Variants in TBC1D10B observed in about 807,000 individuals in gnomAD.
TBC1D10B encodes Rab27A-GAPbeta.
A neutral mutation model predicts 78.4 loss-of-function variants in TBC1D10B; 25 were observed. That is an observed-to-expected ratio of 0.32 (90% confidence interval 0.23 to 0.45). The LOEUF is 0.45. Among genes scored for constraint, TBC1D10B ranks in the 20% least tolerant of loss-of-function variants. The pLI is 1.00. For synonymous variants in TBC1D10B, 517 were observed against 478.0 expected (o/e 1.08, Z -1.06); for missense variants, 996 against 1,104.8 (o/e 0.90, Z 1.40).
chr16:30,360,656 A>G (rs936555447), intron 4 of TBC1D10B, among the ~76,000 whole-genome samples: 1 of 151,978 alleles, frequency 6.6e-6, no homozygotes, highest in Non-Finnish European at 1.5e-5. Flanking sequence ...TTTAGTTGAC[A>G]TTTTTTCTCC....
In TBC1D10B at chr16:30,360,389, T is replaced by A. The variant is rs538564022; in HGVS notation, c.1272-548A>T. ...GGACTTCTATTCACTCAGCCCCACA[T>A]CAGAAAAGAGCCCCTTACTCCAAGC... On this transcript the variant is annotated intron_variant, in intron 4 of 8. Coordinates refer to ENST00000409939, the MANE Select transcript of TBC1D10B (RefSeq NM_015527.4). 44 of 155,720 alleles carry A rather than the reference T, an allele frequency of 2.8e-4. 1 individual carries two copies. Among genetic ancestry groups the A allele is most frequent in the Admixed American group, 1.6e-3 (26 of 15,788 alleles). The allele number at this position is 155,720 out of a possible 1,614,324, so 9.6% of individuals were successfully genotyped here. A position where few individuals can be genotyped will look rare whatever the true frequency, so the allele number is the denominator to read the frequency against.
chr16:30,358,634 C>G, intron 8 of TBC1D10B, 29 bp downstream of exon 8: 1 of 1,589,972 alleles, frequency 6.3e-7, no homozygotes. Context: ...CTGAGGCAGG[C>G]AGGGGCTGCG....
chr16:30,360,995 A>G (rs1305978599), intron 4 of TBC1D10B, among the ~76,000 whole-genome samples: 1 of 152,100 alleles, frequency 6.6e-6, no homozygotes, highest in African/African-American at 2.4e-5. Context: ...AAAAAAAAAA[A>G]GTCTCTTCAC....
At chr16:30,359,939 C>T in intron 4 of TBC1D10B, 98 bp from the exon 5 acceptor site, 1 of 1,068,262 alleles carries the variant, frequency 9.4e-7, no homozygotes, top group Non-Finnish European at 1.4e-6. Context: ...CACCAGGCTC[C>T]TCCATCCACC....
Position 30,365,378 on chromosome 16 carries a change from C to T in TBC1D10B, c.1056+117G>A. On this transcript the variant is annotated intron_variant, in intron 2 of 8. Coordinates refer to ENST00000409939, the MANE Select transcript of TBC1D10B (RefSeq NM_015527.4). The surrounding 1 kb of genome is among the most constrained non-coding windows in gnomAD (Gnocchi z 5.0). ...TTTAAAGCCATTCCCCCGCCAGGGC[C>T]CATCTATCCCCAGTGTGGTCCAGAG... is the stretch of plus-strand genomic sequence containing the variant. 4 of 1,338,656 alleles carry T rather than the reference C, an allele frequency of 3.0e-6. No individual in the cohort carries two copies. Among genetic ancestry groups the T allele is most frequent in the Non-Finnish European group, 4.3e-6 (4 of 935,076 alleles). 82.9% of individuals were successfully genotyped at this position (1,338,656 alleles called of 1,614,324 possible). A position where few individuals can be genotyped will look rare whatever the true frequency, so the allele number is the denominator to read the frequency against.
Position 30,369,973 on chromosome 16 carries a change from C to G in TBC1D10B, c.211G>C (p.Ala71Pro). 1 of 1,275,726 alleles carries G rather than the reference C, an allele frequency of 7.8e-7. No homozygotes were observed. Among genetic ancestry groups the G allele is most frequent in the South Asian group, 2.8e-5 (1 of 35,736 alleles). The allele number at this position is 1,275,726 out of a possible 1,614,324, so 79.0% of individuals were successfully genotyped here. A position where few individuals can be genotyped will look rare whatever the true frequency, so the allele number is the denominator to read the frequency against. Residue 71 changes from alanine to proline, a missense_variant, in exon 1 of 9, where the codon GCT (alanine) becomes CCT (proline). Around this residue, in one of 5 missense-constraint regions of TBC1D10B, gnomAD observed 448 missense variants for 442.1 expected, o/e 1.01. Transcript: ENST00000409939. The surrounding 1 kb of genome is among the most constrained non-coding windows in gnomAD (Gnocchi z 4.3). The part of the protein sequence containing the change: ...AWVPGSAETS[A>P]PAPAPAPAPA... The stretch of plus-strand genomic sequence containing the variant: ...GCCGGGGCTGGGGCCGGGGCCGGAG[C>G]AGAGGTCTCGGCCGACCCCGGGACC...
Position 30,364,931 on chromosome 16 carries a change from G to T in TBC1D10B, c.1240C>A (p.His414Asn). 6.2e-7 allele frequency: 1 copy of T among 1,613,070 alleles called. No homozygotes were observed. The highest frequency in any genetic ancestry group is 8.5e-7 in the Non-Finnish European group (1 of 1,179,560). The change falls in exon 4 of 9, where the codon CAC becomes AAC. Residue 414 changes from histidine to asparagine, a missense_variant. Transcript: ENST00000409939. ...EKDLHRQFPFHEMFAARGGHG... is the reference protein window; with the variant it reads ...EKDLHRQFPFNEMFAARGGHG... ...CCCCCTCGAGCAGCAAACATCTCGT[G>T]GAAAGGGAACTGGCGGTGCAGGTCC... is the stretch of plus-strand genomic sequence containing the variant.
Position 30,365,413 on chromosome 16 carries a change from T to A in TBC1D10B, c.1056+82A>T. 1 of 1,527,780 alleles carries A rather than the reference T, an allele frequency of 6.5e-7. No individual in the cohort carries two copies. Among genetic ancestry groups the A allele is most frequent in the Non-Finnish European group, 9.1e-7 (1 of 1,102,284 alleles). The allele number at this position is 1,527,780 out of a possible 1,614,324, so 94.6% of individuals were successfully genotyped here. ...CCAGTGTGGTCCAGAGGGCAGATATTATCGGCTTCCTGGGCTTCCCTGGAG... is the reference window on the plus strand; with the variant it reads ...CCAGTGTGGTCCAGAGGGCAGATATAATCGGCTTCCTGGGCTTCCCTGGAG... On this transcript the variant is annotated intron_variant, in intron 2 of 8. Transcript: ENST00000409939. This position sits in a 1 kb window ranked among gnomAD's most constrained non-coding sequence, Gnocchi z 5.0.
intron 4 of TBC1D10B, among the ~76,000 whole-genome samples, chr16:30,363,827 A>G (rs2049614635): frequency 6.6e-6 from 1 of 152,120 alleles, no homozygotes. Context: ...GATTTAAAAA[A>G]TTGTCCGGCT....
At chr16:30,359,483 T>A (rs2049584985) in intron 6 of TBC1D10B, 55 bp downstream of exon 6, 1 of 1,551,144 alleles carries the variant, frequency 6.4e-7, no homozygotes, top group African/African-American at 1.4e-5. Flanking sequence ...AGGACCTGCC[T>A]GCAGCCTGGA....
chr16:30,363,128 A>G (rs548530335), intron 4 of TBC1D10B, among the ~76,000 whole-genome samples: 2 of 152,292 alleles, frequency 1.3e-5, no homozygotes, highest in African/African-American at 4.8e-5. Context: ...AGTAAACAGC[A>G]ACTCCATTCT....
chr16:30,363,860 A>T (rs572416425), intron 4 of TBC1D10B, among the ~76,000 whole-genome samples: 1 of 152,360 alleles, frequency 6.6e-6, no homozygotes, highest in East Asian at 1.9e-4. Flanking sequence ...TCACGCCTAT[A>T]ACGCTAGCAC....
At chr16:30,363,379 A>G (rs964077424) in intron 4 of TBC1D10B, among the ~76,000 whole-genome samples, 4 of 152,192 alleles carry the variant, frequency 2.6e-5, no homozygotes, top group African/African-American at 4.8e-5. Flanking sequence ...TGGTAGCCAG[A>G]ATGACCCTTT....
intron 4 of TBC1D10B, among the ~76,000 whole-genome samples, chr16:30,361,341 C>T (rs2049597270): frequency 6.6e-6 from 1 of 152,146 alleles, no homozygotes; most frequent in Admixed American, 6.5e-5. Flanking sequence ...CCAAATACCA[C>T]ACTGTTTCTT....
intron 1 of TBC1D10B, among the ~76,000 whole-genome samples, chr16:30,368,745 T>A (rs1567415239): frequency 6.6e-6 from 1 of 152,070 alleles, no homozygotes. Flanking sequence ...CTCTACTCCA[T>A]CCCTGGGACC....
rs780133019 is a variant in TBC1D10B at position 30,359,316 on chromosome 16, G to A, written c.1498C>T (p.Arg500Trp). 5 of 1,593,336 alleles carry A rather than the reference G, an allele frequency of 3.1e-6. No homozygotes were observed. Among genetic ancestry groups the A allele is most frequent in the Admixed American group, 1.8e-5 (1 of 56,192 alleles). ...TGGCGATGCGCCAGCGGGGAGGCCC[G>A]GCGCAGGAGTGCAAAAAAGATCTCC... ...DGEIFFALLR[R>W]ASPLAHRHLR... Residue 500 changes from arginine to tryptophan, a missense_variant, in exon 7 of 9, where the codon CGG becomes TGG. Physicochemically the swap from Arg to Trp is moderately radical, Grantham distance 101 (BLOSUM62 -3). This residue lies in a region of TBC1D10B where 168 missense variants were observed against 238.7 expected (regional missense o/e 0.70). Transcript: ENST00000409939.
At chr16:30,364,801 G>T in intron 4 of TBC1D10B, 99 bp downstream of exon 4, 1 of 1,158,822 alleles carries the variant, frequency 8.6e-7, no homozygotes, top group Non-Finnish European at 1.2e-6. Flanking sequence ...GTCCTGAAGG[G>T]CAAAAACCAC....
At chr16:30,360,880 C>A (rs764547565) in intron 4 of TBC1D10B, among the ~76,000 whole-genome samples, 1 of 151,994 alleles carries the variant, frequency 6.6e-6, no homozygotes, top group African/African-American at 2.4e-5. Flanking sequence ...TCCCCTCTCG[C>A]GTGTACAGGC....
chr16:30,364,977 C>G lies in TBC1D10B; in HGVS notation c.1194G>C (p.Lys398Asn), dbSNP rs1034171847. Residue 398 changes from lysine to asparagine, a missense_variant, in exon 4 of 9, where the codon AAG becomes AAC. Around this residue, in one of 5 missense-constraint regions of TBC1D10B, gnomAD observed 93 missense variants for 152.7 expected, o/e 0.61. Coordinates refer to ENST00000409939, the MANE Select transcript of TBC1D10B (RefSeq NM_015527.4). ...EELERAPGDP[K>N]WLDVIEKDLH... Reference sequence around the variant, plus strand: ...GGTCCTTCTCAATCACATCCAGCCACTTGGGGTCCCCAGGAGCCCGTTCCA... The same window carrying G: ...GGTCCTTCTCAATCACATCCAGCCAGTTGGGGTCCCCAGGAGCCCGTTCCA... 8 of 1,613,368 alleles carry G rather than the reference C, an allele frequency of 5.0e-6. No homozygotes were observed. The Admixed American group carries it at 1.0e-4, about 20-fold the overall frequency.
Sources: allele counts gnomAD v4.1 joint callset (sites outside exome capture counted in the v4.1 genomes callset), GRCh38; gene constraint gnomAD v4.1.1; regional missense constraint gnomAD v4.1.1; non-coding constraint Gnocchi (gnomAD v3.1); transcripts MANE v1.5; gene names NCBI Gene and HGNC (gene_info 2026-07-23, HGNC 2026-07-21).